MYO9A: variants seen among roughly 807,000 people sequenced by gnomAD.
MYO9A encodes myosin IXA.
A neutral mutation model predicts 293.3 loss-of-function variants in MYO9A; 103 were observed. The observed-to-expected ratio is 0.35, with a 90% CI of 0.30 to 0.41. The LOEUF is 0.41. Among genes scored for constraint, MYO9A ranks in the 10% least tolerant of loss-of-function variants. The pLI, the probability that MYO9A is intolerant of heterozygous loss-of-function variation, is 1.00. For synonymous variants in MYO9A, 1,001 were observed against 1,035.7 expected (o/e 0.97, Z 0.64); for missense variants, 2,685 against 3,033.0 (o/e 0.89, Z 2.69).
chr15:72,043,337 A>G (rs1223336693), intron 2 of MYO9A, among the ~76,000 whole-genome samples: 1 of 152,236 alleles, frequency 6.6e-6, no homozygotes, highest in Admixed American at 6.5e-5. Context: ...CATACTTATC[A>G]TCTGATCTAG....
chr15:72,100,747 G>A, intron 1 of MYO9A, among the ~76,000 whole-genome samples: 1 of 150,934 alleles, frequency 6.6e-6, no homozygotes, highest in Non-Finnish European at 1.5e-5. Flanking sequence ...TGAGAAGTGA[G>A]GAGACCCTCC....
intron 15 of MYO9A, among the ~76,000 whole-genome samples, chr15:71,940,427 G>C (rs1306342588): frequency 6.6e-6 from 1 of 152,152 alleles, no homozygotes; most frequent in Non-Finnish European, 1.5e-5. Flanking sequence ...CAGAGGTCGA[G>C]GCTGCAGTGA....
Position 71,827,019 on chromosome 15 carries a change from A to C in MYO9A, c.7208T>G (p.Leu2403Arg). 6.3e-7 allele frequency: 1 copy of C among 1,595,248 alleles called. No individual in the cohort carries two copies. Among genetic ancestry groups the C allele is most frequent in the Non-Finnish European group, 8.5e-7 (1 of 1,173,076 alleles). The change falls in exon 42 of 42, where the codon CTG (leucine) becomes CGG (arginine). Residue 2403 changes from leucine to arginine, a missense_variant. This residue lies in a region of MYO9A where 350 missense variants were observed against 328.9 expected (regional missense o/e 1.06). Transcript: ENST00000356056. The stretch of plus-strand genomic sequence containing the variant: ...AGGTTCAGACTTGCCAGCTGTCTTC[A>C]GGGAGCTAAGGGCTAAGCTTCTTTC... ...KSERSLALSS[L>R]KTAGKSEPSS...
At position 71,826,276 on chromosome 15, in the gene MYO9A, A is replaced by C; in HGVS notation, c.*304T>G. 2 of 287,382 alleles carry C rather than the reference A, an allele frequency of 7.0e-6. No homozygotes were observed. Among genetic ancestry groups the C allele is most frequent in the South Asian group, 8.9e-5 (1 of 11,204 alleles). The allele number at this position is 287,382 out of a possible 1,614,324, so 17.8% of individuals were successfully genotyped here. A position where few individuals can be genotyped will look rare whatever the true frequency, so the allele number is the denominator to read the frequency against. ...CCTAGTTCAACACCCACCTTTGGGAAGGGAAAAGAGGGTGGGGGAGAGGCA... is the reference window on the plus strand; with the variant it reads ...CCTAGTTCAACACCCACCTTTGGGACGGGAAAAGAGGGTGGGGGAGAGGCA... On this transcript the variant is annotated 3_prime_UTR_variant, in exon 42 of 42. Transcript: ENST00000356056.
Position 72,046,404 on chromosome 15 carries a change from G to A in MYO9A, c.160C>T (p.His54Tyr). 6.2e-7 allele frequency: 1 copy of A among 1,614,186 alleles called. No individual in the cohort carries two copies. The highest frequency in any genetic ancestry group is 8.5e-7 in the Non-Finnish European group (1 of 1,180,046). The change falls in exon 2 of 42, where the codon CAT (histidine) becomes TAT (tyrosine). Residue 54 changes from histidine to tyrosine, a missense_variant. By Grantham distance (83) the His-to-Tyr change is moderately conservative. This residue lies in a region of MYO9A where 22 missense variants were observed against 47.2 expected (regional missense o/e 0.47). Transcript: ENST00000356056. ...ACATAACATTTTGTTTTGTCAAGAT[G>A]AAGTTTGTTTATAAGAGACTCAATC... ...EVIESLINKL[H>Y]LDKTKCYVLA...
chr15:71,970,416 C>T (rs1424375634), intron 12 of MYO9A, among the ~76,000 whole-genome samples: 1 of 152,124 alleles, frequency 6.6e-6, no homozygotes, highest in Non-Finnish European at 1.5e-5. Flanking sequence ...GCATGAAGAA[C>T]ACAACTAAGG....
chr15:71,899,543 G>A, intron 24 of MYO9A, 144 bp downstream of exon 24: 1 of 684,372 alleles, frequency 1.5e-6, no homozygotes, highest in Non-Finnish European at 2.4e-6. Context: ...TACAATGTGG[G>A]TTAAAATCGG....
chr15:71,943,094 A>G (rs962844384), intron 15 of MYO9A, among the ~76,000 whole-genome samples: 7 of 151,966 alleles, frequency 4.6e-5, no homozygotes, highest in Non-Finnish European at 8.8e-5. Context: ...TTAACTGGTG[A>G]GTGTAAACCA....
chr15:72,053,049 T>C (rs2078614473), intron 1 of MYO9A, among the ~76,000 whole-genome samples: 1 of 152,150 alleles, frequency 6.6e-6, no homozygotes, highest in South Asian at 2.1e-4. Context: ...ACTTTTACTA[T>C]ATGCTCCTTT....
At chr15:72,047,987 T>C (rs1191552709) in intron 1 of MYO9A, among the ~76,000 whole-genome samples, 1 of 151,894 alleles carries the variant, frequency 6.6e-6, no homozygotes, top group African/African-American at 2.4e-5. Context: ...CCCAGGGTAC[T>C]ATCTATCCTC....
In MYO9A at chr15:71,824,760, T is replaced by C. The variant is rs941491299; in HGVS notation, c.*1820A>G. 3.3e-5 allele frequency: 5 copies of C among 152,346 alleles called. No homozygotes were observed. Among genetic ancestry groups the C allele is most frequent in the Admixed American group, 2.0e-4 (3 of 15,306 alleles). The allele number at this position is 152,346 out of a possible 1,614,324, so 9.4% of individuals were successfully genotyped here. A position where few individuals can be genotyped will look rare whatever the true frequency, so the allele number is the denominator to read the frequency against. On this transcript the variant is annotated 3_prime_UTR_variant, in exon 42 of 42. Transcript: ENST00000356056. ...ACTATCATTATTCTGGAGATTTTAATGGCTTCCTTTCTCTGGCTCAATTCT... is the reference window on the plus strand; with the variant it reads ...ACTATCATTATTCTGGAGATTTTAACGGCTTCCTTTCTCTGGCTCAATTCT...
At position 71,859,790 on chromosome 15, in the gene MYO9A, T is replaced by C. The variant is rs764632463; in HGVS notation, c.6098A>G (p.Lys2033Arg). 9 of 1,613,278 alleles carry C rather than the reference T, an allele frequency of 5.6e-6. No individual in the cohort carries two copies. Among genetic ancestry groups the C allele is most frequent in the South Asian group, 1.1e-5 (1 of 91,016 alleles). Residue 2033 changes from lysine to arginine, a missense_variant, in exon 34 of 42, where the codon AAG (lysine) becomes AGG (arginine). Lys to Arg is a conservative substitution (Grantham distance 26). Coordinates refer to ENST00000356056, the MANE Select transcript of MYO9A (RefSeq NM_006901.4). ...MDRASVCKLC[K>R]YACHKKCCLK... The stretch of plus-strand genomic sequence containing the variant: ...ACAGCACTTCTTATGGCAAGCATAC[T>C]TGCATACTGAAAAATAGGTGAGGAA...
At chr15:72,074,898 A>C (rs1462397305) in intron 1 of MYO9A, among the ~76,000 whole-genome samples, 1 of 149,928 alleles carries the variant, frequency 6.7e-6, no homozygotes, top group Non-Finnish European at 1.5e-5. Context: ...CTGTCTGAGG[A>C]ATTAGCATGT....
chr15:71,902,115 A>G (rs10518975), intron 22 of MYO9A, among the ~76,000 whole-genome samples: 3,285 of 152,160 alleles, frequency 0.022, 114 homozygotes, highest in African/African-American at 0.077. Context: ...TGGTAAACTA[A>G]TAAGGGCCAG....
chr15:71,847,709 C>T (rs1036497527), intron 39 of MYO9A, among the ~76,000 whole-genome samples: 2 of 152,206 alleles, frequency 1.3e-5, no homozygotes, highest in Non-Finnish European at 2.9e-5. Context: ...AAAATTCATA[C>T]TACAGAAATG....
rs780222349 is a variant in MYO9A, at chr15:71,916,511, T to C, written c.2563-19A>G. 1 of 1,587,882 alleles carries C rather than the reference T, an allele frequency of 6.3e-7. No homozygotes were observed. Among genetic ancestry groups the C allele is most frequent in the East Asian group, 2.2e-5 (1 of 44,616 alleles). On this transcript the variant is annotated intron_variant, in intron 18 of 41. Transcript: ENST00000356056. ...GCAAGTGCTGAAAGAAGAGAAAAAA[T>C]AAATTGCTCACATAAATTAATCTAA...
At chr15:72,099,412 G>C (rs528394823) in intron 1 of MYO9A, among the ~76,000 whole-genome samples, 74 of 81,092 alleles carry the variant, frequency 9.1e-4, no homozygotes, top group Middle Eastern at 0.014. Context: ...AATAGAGCAA[G>C]ACCCTGCCCC....
chr15:72,101,122 A>G (rs1278725132), intron 1 of MYO9A, among the ~76,000 whole-genome samples: 366 of 107,294 alleles, frequency 3.4e-3, no homozygotes, highest in African/African-American at 0.013. Flanking sequence ...AGGTCGGGGC[A>G]TCAGCCTCCC....
intron 1 of MYO9A, among the ~76,000 whole-genome samples, chr15:72,057,247 C>T (rs144354141): frequency 5.3e-5 from 8 of 152,018 alleles, no homozygotes; most frequent in Admixed American, 6.5e-5. Flanking sequence ...CCAGCCTTGA[C>T]GAGAGAGCAA....
Sources: allele counts gnomAD v4.1 joint callset (sites outside exome capture counted in the v4.1 genomes callset), GRCh38; gene constraint gnomAD v4.1.1; regional missense constraint gnomAD v4.1.1; transcripts MANE v1.5; gene names NCBI Gene and HGNC (gene_info 2026-07-23, HGNC 2026-07-21).